The following PPP4R4 variants were observed in gnomAD, a reference collection of about 807,000 sequenced individuals.
PPP4R4 encodes protein phosphatase 4 regulatory subunit 4.
PPP4R4 carries 70 observed loss-of-function variants against 121.8 expected under a neutral mutation model. The ratio of observed to expected loss-of-function variants is 0.57; its 90% confidence interval spans 0.47 to 0.70. The LOEUF (loss-of-function observed/expected upper bound fraction) is 0.70. PPP4R4 is among the 30% of genes least tolerant of loss of function. PPP4R4 has a pLI of 0.00. For missense variants in PPP4R4, 875 were observed against 1,033.6 expected (o/e 0.85, Z 2.10); for synonymous variants, 348 against 355.7 (o/e 0.98, Z 0.24).
chr14:94,219,080 C>CTTT (rs71301922), intron 3 of PPP4R4, among the ~76,000 whole-genome samples: 9 of 106,978 alleles, frequency 8.4e-5, no homozygotes, highest in East Asian at 2.7e-4. Flanking sequence ...CTTTTCTTTT[C>CTTT]TTTTTTTTTT....
At chr14:94,174,892 C>T (rs1465191260) in intron 1 of PPP4R4, among the ~76,000 whole-genome samples, 3 of 151,944 alleles carry the variant, frequency 2.0e-5, no homozygotes, top group Admixed American at 6.5e-5. Flanking sequence ...GTCCGAATCC[C>T]CCCGGCCCAC....
At chr14:94,198,051 G>A (rs944644650) in intron 2 of PPP4R4, among the ~76,000 whole-genome samples, 4 of 152,080 alleles carry the variant, frequency 2.6e-5, no homozygotes, top group Admixed American at 6.5e-5. Flanking sequence ...TTGGATAAAT[G>A]TCTAAGTATG....
At chr14:94,187,726 T>C (rs1226070485) in intron 2 of PPP4R4, among the ~76,000 whole-genome samples, 1 of 152,204 alleles carries the variant, frequency 6.6e-6, no homozygotes, top group Non-Finnish European at 1.5e-5. Flanking sequence ...GACGCTTTCT[T>C]CACTTTTCCT....
chr14:94,178,032 G>C (rs1888771842), intron 2 of PPP4R4, among the ~76,000 whole-genome samples: 1 of 152,124 alleles, frequency 6.6e-6, no homozygotes, highest in Non-Finnish European at 1.5e-5. Context: ...ACCACCTCCT[G>C]GGGGAATGTG....
At chr14:94,258,032 C>T (rs779078290) in intron 17 of PPP4R4, among the ~76,000 whole-genome samples, 3 of 152,046 alleles carry the variant, frequency 2.0e-5, no homozygotes, top group Non-Finnish European at 4.4e-5. Context: ...ATAGTTTCAT[C>T]AGTTTTATAA....
At chr14:94,202,070 G>A (rs751664323) in intron 2 of PPP4R4, among the ~76,000 whole-genome samples, 1 of 151,994 alleles carries the variant, frequency 6.6e-6, no homozygotes, top group Non-Finnish European at 1.5e-5. Context: ...AGCAAACATC[G>A]TATGTTCTCA....
At chr14:94,220,726 A>G (rs992410085) in intron 3 of PPP4R4, among the ~76,000 whole-genome samples, 2 of 152,230 alleles carry the variant, frequency 1.3e-5, no homozygotes, top group Admixed American at 6.5e-5. Flanking sequence ...CATTTCTGAG[A>G]GGAAATAATG....
At chr14:94,268,225 C>T (rs1365278298) in intron 23 of PPP4R4, among the ~76,000 whole-genome samples, 25 of 152,122 alleles carry the variant, frequency 1.6e-4, no homozygotes, top group Admixed American at 4.6e-4. Context: ...GAATTAGCTT[C>T]GAGCTAATGG....
intron 3 of PPP4R4, among the ~76,000 whole-genome samples, chr14:94,223,217 A>T (rs1366517747): frequency 3.9e-5 from 6 of 152,062 alleles, no homozygotes; most frequent in African/African-American, 7.2e-5. Flanking sequence ...TCTGCTTATT[A>T]TCTTATCTCC....
intron 3 of PPP4R4, among the ~76,000 whole-genome samples, chr14:94,214,901 A>C (rs185279435): frequency 6.6e-6 from 1 of 152,350 alleles, no homozygotes; most frequent in African/African-American, 2.4e-5. Context: ...ACTTAGTTTC[A>C]TGCACAAAAT....
At chr14:94,255,374 G>A (rs547741157) in intron 16 of PPP4R4, among the ~76,000 whole-genome samples, 21 of 152,122 alleles carry the variant, frequency 1.4e-4, no homozygotes, top group Non-Finnish European at 2.4e-4. Context: ...CAAGGCAGGC[G>A]GATCACAAGT....
intron 2 of PPP4R4, among the ~76,000 whole-genome samples, chr14:94,202,573 A>G (rs1396039550): frequency 1.3e-5 from 2 of 152,116 alleles, no homozygotes; most frequent in Non-Finnish European, 2.9e-5. Context: ...TTCTATTTGT[A>G]GTTTGCTGAT....
At chr14:94,257,184 A>G (rs996938730) in intron 17 of PPP4R4, among the ~76,000 whole-genome samples, 2 of 152,088 alleles carry the variant, frequency 1.3e-5, no homozygotes, top group Non-Finnish European at 2.9e-5. Flanking sequence ...TTGTTTTAGC[A>G]TGAGATCTTA....
chr14:94,262,534 CA>C (rs1447617767), intron 19 of PPP4R4, among the ~76,000 whole-genome samples: 2 of 151,846 alleles, frequency 1.3e-5, no homozygotes, highest in African/African-American at 4.8e-5. Context: ...AACAATAATA[CA>C]AATCTCTTTA....
At chr14:94,247,712 C>T (rs1400710379) in intron 14 of PPP4R4, among the ~76,000 whole-genome samples, 1 of 152,162 alleles carries the variant, frequency 6.6e-6, no homozygotes, top group Non-Finnish European at 1.5e-5. Flanking sequence ...AGTTAATTCA[C>T]CACAATCAAG....
intron 3 of PPP4R4, 79 bp downstream of exon 3, chr14:94,208,645 C>A: frequency 9.7e-7 from 1 of 1,036,054 alleles, no homozygotes; most frequent in Non-Finnish European, 1.4e-6. Flanking sequence ...GATTTTGGAG[C>A]TTTGATGGCT....
intron 14 of PPP4R4, among the ~76,000 whole-genome samples, chr14:94,247,868 T>C (rs977911783): frequency 2.0e-5 from 3 of 152,176 alleles, no homozygotes; most frequent in African/African-American, 7.2e-5. Context: ...AGTGTCTCTT[T>C]GTGTTAAAAA....
chr14:94,186,359 A>G (rs145618036), intron 2 of PPP4R4, among the ~76,000 whole-genome samples: 121 of 152,316 alleles, frequency 7.9e-4, no homozygotes, highest in Middle Eastern at 3.4e-3. Flanking sequence ...TGGATCATAC[A>G]GTCTACTCTT....
chr14:94,241,354 G>C (rs1433074335), intron 9 of PPP4R4, among the ~76,000 whole-genome samples: 1 of 151,948 alleles, frequency 6.6e-6, no homozygotes, highest in Non-Finnish European at 1.5e-5. Context: ...GAATTTATTT[G>C]CTGTCTTTCA....
Sources: allele counts gnomAD v4.1 joint callset (sites outside exome capture counted in the v4.1 genomes callset), GRCh38; gene constraint gnomAD v4.1.1; transcripts MANE v1.5; gene names NCBI Gene and HGNC (gene_info 2026-07-23, HGNC 2026-07-21).